The following DIP2A variants were observed in gnomAD, a reference collection of about 807,000 sequenced individuals.
DIP2A encodes the protein disco-interacting protein 2 homolog A.
In DIP2A, 85 loss-of-function variants were observed where a neutral mutation model predicts 177.4. The observed-to-expected ratio is 0.48, with a 90% CI of 0.40 to 0.57. DIP2A has a LOEUF of 0.57. DIP2A is among the 20% of genes least tolerant of loss of function. The probability of loss-of-function intolerance (pLI) is 0.00; values close to 1 mark genes in which losing one functional copy is unlikely to be tolerated. For missense variants in DIP2A, 1,791 were observed against 2,100.2 expected, an observed-to-expected ratio of 0.85 and a Z score of 2.88; for synonymous variants, 886 against 881.8, an observed-to-expected ratio of 1.00 and a Z score of -0.08.
At position 46,569,145 on chromosome 21, in the gene DIP2A, A is replaced by G. The variant is rs563024843; in HGVS notation, c.*1523A>G. On this transcript the variant is annotated 3_prime_UTR_variant, in exon 38 of 38. Coordinates refer to ENST00000417564, the MANE Select transcript of DIP2A (RefSeq NM_015151.4). ...GGTTTTTGGGGTATTGAGGGTGGCA[A>G]ATTTTGTGAATCATGCATGCTTCAC... 3.3e-5 allele frequency: 5 copies of G among 152,264 alleles called. No homozygotes were observed. The highest frequency in any genetic ancestry group is 4.1e-4 in the South Asian group (2 of 4,830). The allele number at this position is 152,264 out of a possible 1,614,324, so 9.4% of individuals were successfully genotyped here. A position where few individuals can be genotyped will look rare whatever the true frequency, so the allele number is the denominator to read the frequency against.
At position 46,546,901 on chromosome 21, in the gene DIP2A, A is replaced by G. The variant is rs1251817247; in HGVS notation, c.2395-14A>G. On this transcript the variant is annotated splice_polypyrimidine_tract_variant and intron_variant, in intron 20 of 37. Transcript: ENST00000417564. ...CCGTGTGGGTGGAGTCTTGACGCAC[A>G]CCCTTTCCCTCAGGACAACCTGGTC... 2 of 1,613,286 alleles carry G rather than the reference A, an allele frequency of 1.2e-6. No homozygotes were observed. Among genetic ancestry groups the G allele is most frequent in the Non-Finnish European group, 8.5e-7 (1 of 1,179,588 alleles).
At position 46,498,565 on chromosome 21, in the gene DIP2A, C is replaced by T. The variant is rs375598019; in HGVS notation, c.404-17C>T. Reference sequence around the variant, plus strand: ...CTCATCCCGATATCATGCCTGTCATCGTTATTTTAACCACAGACACGTCGT... The same window carrying T: ...CTCATCCCGATATCATGCCTGTCATTGTTATTTTAACCACAGACACGTCGT... On this transcript the variant is annotated splice_polypyrimidine_tract_variant and intron_variant, in intron 4 of 37. Coordinates refer to ENST00000417564, the MANE Select transcript of DIP2A (RefSeq NM_015151.4). This position sits in a 1 kb window ranked among gnomAD's most constrained non-coding sequence, Gnocchi z 4.3. 6.1e-5 allele frequency: 97 copies of T among 1,592,720 alleles called. No homozygotes were observed. The highest frequency in any genetic ancestry group is 4.6e-4 in the African/African-American group (34 of 74,606).
chr21:46,539,779 G>A (rs1008548), intron 16 of DIP2A, 98 bp from the exon 17 acceptor site: 295,381 of 994,548 alleles, frequency 0.3, 45,590 homozygotes, highest in East Asian at 0.42. Context: ...CTGTGGTTCC[G>A]ATGGCCGCAG....
At chr21:46,544,560 C>T (rs909737999) in intron 18 of DIP2A, among the ~76,000 whole-genome samples, 3 of 152,168 alleles carry the variant, frequency 2.0e-5, no homozygotes, top group African/African-American at 7.2e-5. Flanking sequence ...GTGTGTGCAG[C>T]AGCATCAAGG....
At chr21:46,516,668 T>C (rs1411911810) in intron 8 of DIP2A, among the ~76,000 whole-genome samples, 1 of 151,722 alleles carries the variant, frequency 6.6e-6, no homozygotes, top group Non-Finnish European at 1.5e-5. Flanking sequence ...AATTTTTTTG[T>C]GTTTTTAGTA....
intron 2 of DIP2A, among the ~76,000 whole-genome samples, chr21:46,486,646 G>A (rs915914923): frequency 6.6e-6 from 1 of 152,212 alleles, no homozygotes; most frequent in Non-Finnish European, 1.5e-5. Flanking sequence ...AACCTCACTA[G>A]TAATCAGAGC....
chr21:46,529,632 A>G (rs954616743), intron 9 of DIP2A, among the ~76,000 whole-genome samples: 3 of 151,610 alleles, frequency 2.0e-5, no homozygotes, highest in African/African-American at 7.3e-5. Context: ...AGTGAAAAAT[A>G]TTAAATATGG....
the DIP2A span, among the ~76,000 whole-genome samples, chr21:46,580,543 T>A: frequency 1.3e-5 from 2 of 152,238 alleles, no homozygotes; most frequent in Non-Finnish European, 2.9e-5. Flanking sequence ...ACAGTGTCAC[T>A]GGTCTGTGTA....
At chr21:46,490,853 T>A in intron 3 of DIP2A, 134 bp downstream of exon 3, 1 of 1,133,280 alleles carries the variant, frequency 8.8e-7, no homozygotes, top group Non-Finnish European at 1.2e-6. Flanking sequence ...AGCAGTAATG[T>A]ACATCATCAT....
intron 8 of DIP2A, among the ~76,000 whole-genome samples, chr21:46,512,085 G>A (rs1276754969): frequency 1.3e-5 from 2 of 152,168 alleles, no homozygotes; most frequent in Non-Finnish European, 1.5e-5. Context: ...CACGCAAAGG[G>A]TAACTACTGT....
intron 3 of DIP2A, among the ~76,000 whole-genome samples, chr21:46,495,662 C>T (rs2057318130): frequency 6.6e-6 from 1 of 152,008 alleles, no homozygotes; most frequent in Non-Finnish European, 1.5e-5. Flanking sequence ...AGGCTGGAGG[C>T]AGTGGTACAG....
At chr21:46,574,409 A>G (rs988676717), downstream of DIP2A, among the ~76,000 whole-genome samples, 2 of 152,148 alleles carry the variant, frequency 1.3e-5, no homozygotes, top group African/African-American at 4.8e-5. Context: ...ACAAACTAAC[A>G]TTACAACTTA....
intron 3 of DIP2A, 23 bp downstream of exon 3, chr21:46,490,742 G>C (rs914103049): frequency 6.4e-7 from 1 of 1,552,904 alleles, no homozygotes; most frequent in South Asian, 1.2e-5. Context: ...CCTAGGCAGT[G>C]GGGAAGGTGG....
intron 5 of DIP2A, among the ~76,000 whole-genome samples, chr21:46,503,904 T>C (rs1273543591): frequency 1.3e-5 from 2 of 152,308 alleles, no homozygotes; most frequent in South Asian, 4.1e-4. Context: ...TTTTGTATTT[T>C]TAGTAGAGAC....
intron 20 of DIP2A, among the ~76,000 whole-genome samples, chr21:46,546,583 C>G (rs940722600): frequency 6.6e-6 from 1 of 152,202 alleles, no homozygotes; most frequent in African/African-American, 2.4e-5. Flanking sequence ...CAAACTCCAC[C>G]CACAACTCGT....
intron 5 of DIP2A, among the ~76,000 whole-genome samples, chr21:46,500,789 T>C (rs1240597693): frequency 1.3e-5 from 2 of 152,236 alleles, no homozygotes; most frequent in African/African-American, 2.4e-5. Flanking sequence ...CTAATGTGTG[T>C]TTGAATTAGA....
intron 16 of DIP2A, 50 bp from the exon 17 acceptor site, chr21:46,539,827 T>C (rs1455593139): frequency 6.8e-7 from 1 of 1,466,508 alleles, no homozygotes; most frequent in African/African-American, 1.4e-5. Flanking sequence ...ACCCCTTCCC[T>C]GCTGGCCCCC....
chr21:46,507,685 TTC>T (rs1402077714), intron 6 of DIP2A, among the ~76,000 whole-genome samples: 1 of 140,806 alleles, frequency 7.1e-6, no homozygotes, highest in African/African-American at 2.7e-5. Flanking sequence ...TTTTTTAATT[TTC>T]TGTTCTTTTT....
At chr21:46,558,473 G>A (rs748260521) in intron 32 of DIP2A, 80 bp downstream of exon 32, 76 of 1,401,460 alleles carry the variant, frequency 5.4e-5, no homozygotes, top group Non-Finnish European at 6.5e-5. Flanking sequence ...TTAATGTGCC[G>A]TTTTGTAGCC....
Sources: allele counts gnomAD v4.1 joint callset (sites outside exome capture counted in the v4.1 genomes callset), GRCh38; gene constraint gnomAD v4.1.1; non-coding constraint Gnocchi (gnomAD v3.1); transcripts MANE v1.5; gene names NCBI Gene and HGNC (gene_info 2026-07-23, HGNC 2026-07-21).